The following TIA1 variants were observed in gnomAD, a reference collection of about 807,000 sequenced individuals.
TIA1 encodes TIA1 cytotoxic granule associated RNA binding protein.
In TIA1, 23 loss-of-function variants were observed where a neutral mutation model predicts 65.9. That is an observed-to-expected ratio of 0.35 (90% confidence interval 0.25 to 0.49). The LOEUF (loss-of-function observed/expected upper bound fraction) is 0.49. TIA1 is among the 20% of genes least tolerant of loss of function. The pLI is 0.98. For synonymous variants in TIA1, 147 were observed against 149.4 expected (o/e 0.98, Z 0.12); for missense variants, 371 against 477.9 (o/e 0.78, Z 2.09).
intron 2 of TIA1, among the ~76,000 whole-genome samples, chr2:70,231,911 A>T (rs1686467973): frequency 6.6e-6 from 1 of 152,186 alleles, no homozygotes; most frequent in Non-Finnish European, 1.5e-5. Context: ...CCTTTAAAAA[A>T]TTATCTTCCC....
rs746021823 is a variant in TIA1 at position 70,212,734 on chromosome 2, C to A, written c.1146G>T (p.Gly382=). 2.5e-6 allele frequency: 4 copies of A among 1,612,516 alleles called. No homozygotes were observed. The highest frequency in any genetic ancestry group is 3.4e-6 in the Non-Finnish European group (4 of 1,178,590). ...GAGTCCTTATTCACTGGGTTTCATA[C>A]CCTGCCACTCGATACCCAGAAGGCT... The part of the protein sequence containing the change: ...PNQPSGYRVA[G]YETQ The change falls in exon 13 of 13, where the codon GGG becomes GGT. Residue 382 remains glycine (G), a synonymous_variant. Transcript: ENST00000433529.
At chr2:70,222,289 A>G (rs1356666870) in intron 7 of TIA1, among the ~76,000 whole-genome samples, 1 of 152,194 alleles carries the variant, frequency 6.6e-6, no homozygotes, top group Non-Finnish European at 1.5e-5. Context: ...GGGAAGGTGG[A>G]TGAATTTTAT....
intron 6 of TIA1, among the ~76,000 whole-genome samples, chr2:70,225,675 G>T (rs1336011073): frequency 6.6e-6 from 1 of 152,166 alleles, no homozygotes. Flanking sequence ...AGTGTTCAGG[G>T]TCAAAATGAC....
intron 7 of TIA1, among the ~76,000 whole-genome samples, chr2:70,218,659 TC>T (rs1679796463): frequency 6.6e-6 from 1 of 152,168 alleles, no homozygotes; most frequent in African/African-American, 2.4e-5. Context: ...GGTCTCCATC[TC>T]CTGACCTCGT....
intron 1 of TIA1, among the ~76,000 whole-genome samples, chr2:70,236,514 A>G (rs1310013256): frequency 6.6e-6 from 1 of 151,298 alleles, no homozygotes. Context: ...TTTTAAGAGA[A>G]ATAGTCTGGC....
Position 70,248,416 on chromosome 2 carries a change from C to T in TIA1, c.15G>A (p.Met5Ile). ...TGCCCCAGACTCACAGAGTCTTGGG[C>T]ATCTCGTCCTCCATGGCTGCTGCTG... MEDE[M>I]PKTLYVGNLS... Residue 5 changes from methionine (M) to isoleucine (I), a missense_variant, in exon 1 of 13, where the codon ATG becomes ATA. Coordinates refer to ENST00000433529, the MANE Select transcript of TIA1 (RefSeq NM_022173.4). 2.5e-6 allele frequency: 4 copies of T among 1,600,624 alleles called. No individual in the cohort carries two copies. The highest frequency in any genetic ancestry group is 3.4e-6 in the Non-Finnish European group (4 of 1,179,934).
chr2:70,245,572 C>T (rs1422424261), intron 1 of TIA1, among the ~76,000 whole-genome samples: 1 of 152,100 alleles, frequency 6.6e-6, no homozygotes, highest in Non-Finnish European at 1.5e-5. Flanking sequence ...TATTTTTTTA[C>T]TGTGGAAAAT....
At chr2:70,241,257 T>G (rs959706566) in intron 1 of TIA1, among the ~76,000 whole-genome samples, 4 of 151,972 alleles carry the variant, frequency 2.6e-5, no homozygotes, top group African/African-American at 9.7e-5. Context: ...CTGGCCAACA[T>G]AGTGAAACCC....
intron 7 of TIA1, 90 bp downstream of exon 7, chr2:70,224,464 C>G: frequency 1.9e-6 from 3 of 1,557,266 alleles, no homozygotes; most frequent in Non-Finnish European, 1.7e-6. Context: ...GTAAAATAAA[C>G]AGCAGACGAA....
intron 6 of TIA1, among the ~76,000 whole-genome samples, chr2:70,226,026 GA>G (rs1474250480): frequency 6.6e-6 from 1 of 151,910 alleles, no homozygotes; most frequent in Non-Finnish European, 1.5e-5. Context: ...AAAAAATCAG[GA>G]AAATATGCTA....
At chr2:70,232,867 CA>C (rs879641306) in intron 2 of TIA1, among the ~76,000 whole-genome samples, 16 of 133,082 alleles carry the variant, frequency 1.2e-4, no homozygotes, top group Non-Finnish European at 1.3e-4. Context: ...GACTCTGTCT[CA>C]AAAAAAAAAA....
chr2:70,228,662 G>C (rs1449742622), intron 5 of TIA1: 1 of 985,264 alleles, frequency 1.0e-6, no homozygotes, highest in East Asian at 1.1e-4. Flanking sequence ...AGCATATTTG[G>C]AAAGAAAAGT....
At chr2:70,237,226 A>C (rs545786650) in intron 1 of TIA1, among the ~76,000 whole-genome samples, 3 of 152,070 alleles carry the variant, frequency 2.0e-5, no homozygotes, top group African/African-American at 7.2e-5. Flanking sequence ...ACATGGTGAA[A>C]CCCTGTCTCT....
At chr2:70,222,865 A>G (rs1682111859) in intron 7 of TIA1, among the ~76,000 whole-genome samples, 1 of 152,188 alleles carries the variant, frequency 6.6e-6, no homozygotes, top group Admixed American at 6.5e-5. Flanking sequence ...AGTGAGCCGA[A>G]ATTGCGCCAT....
chr2:70,216,401 T>C lies in TIA1; in HGVS notation c.679+3A>G. 1 of 1,609,262 alleles carries C rather than the reference T, an allele frequency of 6.2e-7. No individual in the cohort carries two copies. The highest frequency in any genetic ancestry group is 8.5e-7 in the Non-Finnish European group (1 of 1,177,930). ...TAATGCCACACAGGGAAGGCTCCCATACCTGTTAGCCCAGAAGTAACACCT... is the reference window on the plus strand; with the variant it reads ...TAATGCCACACAGGGAAGGCTCCCACACCTGTTAGCCCAGAAGTAACACCT... On this transcript the variant is annotated splice_donor_region_variant and intron_variant, in intron 9 of 12. Coordinates refer to ENST00000433529, the MANE Select transcript of TIA1 (RefSeq NM_022173.4).
rs574264058 is a variant in TIA1 at position 70,246,335 on chromosome 2, T to C, written c.26+2070A>G. Among the ~76,000 whole-genome samples, 5 of 152,332 alleles carry C rather than the reference T, an allele frequency of 3.3e-5. No individual in the cohort carries two copies. In the South Asian group the frequency reaches 1.0e-3, roughly 32 times the overall value. On this transcript the variant is annotated intron_variant, in intron 1 of 12. Coordinates refer to ENST00000433529, the MANE Select transcript of TIA1 (RefSeq NM_022173.4). ...TGCTAAGAACTCTGCTAAGAACATA[T>C]ATTAAAAGCCTCTGACTTCCAGGGT...
In TIA1 at chr2:70,228,793, G is replaced by A. The variant is rs1005995292; in HGVS notation, c.310+266C>T. ...AAGCCCAAATGGTGACCTCAAGAAA[G>A]GAGGGTATTTTGCCCCTTAGTTGGT... On this transcript the variant is annotated intron_variant, in intron 5 of 12. Transcript: ENST00000433529. 30 of 1,362,584 alleles carry A rather than the reference G, an allele frequency of 2.2e-5. 1 individual carries two copies. The Middle Eastern group carries it at 8.3e-4, about 38-fold the overall frequency. 84.4% of individuals were successfully genotyped at this position (1,362,584 alleles called of 1,614,324 possible).
intron 1 of TIA1, among the ~76,000 whole-genome samples, chr2:70,236,561 A>C (rs1287694797): frequency 6.6e-6 from 1 of 151,836 alleles, no homozygotes; most frequent in Non-Finnish European, 1.5e-5. Flanking sequence ...CCTGGCCTCA[A>C]GCAAACCTAC....
intron 1 of TIA1, among the ~76,000 whole-genome samples, chr2:70,236,961 T>C (rs968886048): frequency 5.9e-5 from 9 of 152,334 alleles, no homozygotes; most frequent in Admixed American, 4.6e-4. Context: ...AATTTGCTTA[T>C]TCTCCATCGG....
Sources: allele counts gnomAD v4.1 joint callset (sites outside exome capture counted in the v4.1 genomes callset), GRCh38; gene constraint gnomAD v4.1.1; transcripts MANE v1.5; gene names NCBI Gene and HGNC (gene_info 2026-07-23, HGNC 2026-07-21).